The following SYN3 variants were observed in gnomAD, a reference collection of about 807,000 sequenced individuals.
SYN3 encodes the protein synapsin III.
A neutral mutation model predicts 65.8 loss-of-function variants in SYN3; 35 were observed. The observed-to-expected ratio is 0.53, with a 90% CI of 0.41 to 0.70. The LOEUF is 0.70. Among genes scored for constraint, SYN3 ranks in the 30% least tolerant of loss-of-function variants. The pLI, the probability that SYN3 is intolerant of heterozygous loss-of-function variation, is 0.00. For missense variants in SYN3, 680 were observed against 749.0 expected (o/e 0.91, Z 1.08); for synonymous variants, 270 against 292.9 (o/e 0.92, Z 0.80).
intron 6 of SYN3, among the ~76,000 whole-genome samples, chr22:32,640,077 T>G (rs1356980345): frequency 6.6e-6 from 1 of 152,210 alleles, no homozygotes; most frequent in East Asian, 1.9e-4. Flanking sequence ...CCTTTGCACC[T>G]GCTTTCCTCC....
chr22:33,053,407 A>T (rs1244883961), intron 1 of SYN3, among the ~76,000 whole-genome samples: 2 of 152,150 alleles, frequency 1.3e-5, no homozygotes, highest in Non-Finnish European at 2.9e-5. Context: ...TGGGCACAAC[A>T]GAGCGAGACT....
intron 6 of SYN3, among the ~76,000 whole-genome samples, chr22:32,847,319 T>C (rs566266463): frequency 1.3e-5 from 2 of 152,360 alleles, no homozygotes; most frequent in South Asian, 4.1e-4. Context: ...CAGAGGTGGA[T>C]GCAGGATCTT....
At chr22:32,819,575 A>G (rs116328973) in intron 6 of SYN3, among the ~76,000 whole-genome samples, 282 of 152,304 alleles carry the variant, frequency 1.9e-3, no homozygotes, top group African/African-American at 6.4e-3. Flanking sequence ...GGTGCTGGGC[A>G]GAGTGCTAAG....
At position 32,792,602 on chromosome 22, in the gene SYN3, G is replaced by C. The variant is rs770695282; in HGVS notation, c.711+72313C>G. ...TTCCTATGGCATCTATCAAAATTTT[G>C]AGTAAGGAAGGGCACACCCGCACCC... On this transcript the variant is annotated intron_variant, in intron 6 of 13. Coordinates refer to ENST00000358763, the MANE Select transcript of SYN3 (RefSeq NM_003490.4). 4.6e-5 allele frequency among the ~76,000 whole-genome samples: 7 copies of C among 152,094 alleles called. No homozygotes were observed. The South Asian group carries it at 1.2e-3, about 27-fold the overall frequency.
At chr22:32,964,769 C>T (rs997549736) in intron 3 of SYN3, among the ~76,000 whole-genome samples, 2 of 152,164 alleles carry the variant, frequency 1.3e-5, no homozygotes, top group Non-Finnish European at 2.9e-5. Context: ...TCCTTCTTGA[C>T]CATATACTCA....
chr22:32,546,366 T>C (rs2710373), intron 7 of SYN3, among the ~76,000 whole-genome samples: 45,906 of 152,012 alleles, frequency 0.3, 7,305 homozygotes, highest in African/African-American at 0.39. Flanking sequence ...AACAAGAGAG[T>C]TCCAAAAAAA....
rs185200734 is a variant in SYN3 at position 32,949,531 on chromosome 22, C to T, written c.370-18050G>A. ...AAACTCGTGTCCAGTTTCAGGAACACGCCCACACACCCACACACACGCATG... is the reference window on the plus strand; with the variant it reads ...AAACTCGTGTCCAGTTTCAGGAACATGCCCACACACCCACACACACGCATG... On this transcript the variant is annotated intron_variant, in intron 3 of 13. Transcript: ENST00000358763. 1.6e-4 allele frequency among the ~76,000 whole-genome samples: 25 copies of T among 152,166 alleles called. No homozygotes were observed. In the East Asian group the frequency reaches 4.4e-3, roughly 27 times the overall value.
intron 6 of SYN3, among the ~76,000 whole-genome samples, chr22:32,822,936 AAAAC>A (rs76880987): frequency 7.9e-5 from 12 of 151,376 alleles, no homozygotes; most frequent in East Asian, 1.9e-4. Flanking sequence ...CAACAAAAAA[AAAAC>A]AGAGAGAGAG....
intron 6 of SYN3, among the ~76,000 whole-genome samples, chr22:32,629,096 C>G (rs1372023404): frequency 1.3e-5 from 2 of 152,188 alleles, no homozygotes; most frequent in African/African-American, 4.8e-5. Flanking sequence ...CCCTTCTGCT[C>G]TGACCCTGTC....
At chr22:32,893,394 G>A (rs2049504959) in intron 4 of SYN3, among the ~76,000 whole-genome samples, 1 of 152,196 alleles carries the variant, frequency 6.6e-6, no homozygotes, top group South Asian at 2.1e-4. Context: ...TGCCAACATG[G>A]TAAGGAAAAT....
rs1240793401 is a variant in SYN3 at position 32,567,320 on chromosome 22, T to TCCTCCCTACCTCCCTC, written c.775-25608_775-25607insGAGGGAGGTAGGGAGG. ...AGGTGCAATAGAACGATGACGGAGATCCTCCCTCCCTCCCTCCCTCCCTCC... is the reference window on the plus strand; with the variant it reads ...AGGTGCAATAGAACGATGACGGAGATCCTCCCTACCTCCCTCCCTCCCTCCCTCCCTCCCTCCCTCC... On this transcript the variant is annotated intron_variant, in intron 7 of 13. Transcript: ENST00000358763. 5.8e-4 allele frequency among the ~76,000 whole-genome samples: 70 copies of TCCTCCCTACCTCCCTC among 121,634 alleles called. 1 individual carries two copies. Among genetic ancestry groups the TCCTCCCTACCTCCCTC allele is most frequent in the East Asian group, 4.5e-3 (18 of 3,978 alleles). 79.8% of individuals were successfully genotyped at this position (121,634 alleles called of 152,430 possible). A position where few individuals can be genotyped will look rare whatever the true frequency, so the allele number is the denominator to read the frequency against.
intron 7 of SYN3, among the ~76,000 whole-genome samples, chr22:32,564,765 A>G (rs1165581024): frequency 5.3e-5 from 7 of 133,014 alleles, no homozygotes; most frequent in Non-Finnish European, 1.1e-4. Flanking sequence ...GTGCTCCCGC[A>G]TTGTACCCAA....
intron 2 of SYN3, among the ~76,000 whole-genome samples, chr22:32,991,314 G>C (rs943857999): frequency 2.1e-5 from 3 of 144,396 alleles, no homozygotes; most frequent in Admixed American, 6.9e-5. Flanking sequence ...CTCCAGCCTG[G>C]GTAACAGAGT....
At chr22:32,536,355 C>T (rs2058165021) in intron 9 of SYN3, among the ~76,000 whole-genome samples, 1 of 152,206 alleles carries the variant, frequency 6.6e-6, no homozygotes, top group African/African-American at 2.4e-5. Context: ...AGGTGTTCCT[C>T]CCTGCCAGGG....
chr22:32,761,372 C>A (rs767712392), intron 6 of SYN3, among the ~76,000 whole-genome samples: 2 of 152,132 alleles, frequency 1.3e-5, no homozygotes, highest in African/African-American at 4.8e-5. Context: ...AGAAGCCATG[C>A]GCGTGAGTCA....
At chr22:32,587,712 G>A (rs1009648673) in intron 7 of SYN3, among the ~76,000 whole-genome samples, 1 of 152,168 alleles carries the variant, frequency 6.6e-6, no homozygotes, top group Non-Finnish European at 1.5e-5. Flanking sequence ...TGACGGCAGC[G>A]AACCTGGCTA....
chr22:32,558,785 C>T (rs1212764040), intron 7 of SYN3, among the ~76,000 whole-genome samples: 1 of 152,226 alleles, frequency 6.6e-6, no homozygotes, highest in Non-Finnish European at 1.5e-5. Flanking sequence ...CCAAGGGCCC[C>T]TTAGCCAAGG....
At chr22:32,724,606 A>C (rs1426994979) in intron 6 of SYN3, among the ~76,000 whole-genome samples, 4 of 152,220 alleles carry the variant, frequency 2.6e-5, no homozygotes, top group African/African-American at 4.8e-5. Flanking sequence ...TGTCTGACAA[A>C]TAGTAAGAGC....
intron 12 of SYN3, among the ~76,000 whole-genome samples, chr22:32,521,682 G>C (rs1356260114): frequency 6.6e-6 from 1 of 152,062 alleles, no homozygotes. Context: ...TCCTGACCTT[G>C]TGATTCGCCC....
Sources: allele counts gnomAD v4.1 joint callset (sites outside exome capture counted in the v4.1 genomes callset), GRCh38; gene constraint gnomAD v4.1.1; transcripts MANE v1.5; gene names NCBI Gene and HGNC (gene_info 2026-07-23, HGNC 2026-07-21).